ME2: variants seen among roughly 807,000 people sequenced by gnomAD.
ME2 encodes the protein NAD-dependent malic enzyme, mitochondrial.
In ME2, 60 loss-of-function variants were observed where a neutral mutation model predicts 73.7. The observed-to-expected ratio is 0.81, with a 90% CI of 0.66 to 1.01. The LOEUF (loss-of-function observed/expected upper bound fraction) is 1.01. Among genes scored for constraint, ME2 ranks in the 50% least tolerant of loss-of-function variants. The pLI is 0.00. For synonymous variants in ME2, 199 were observed against 236.9 expected (o/e 0.84, Z 1.47); for missense variants, 594 against 705.5 (o/e 0.84, Z 1.79).
intron 1 of ME2, among the ~76,000 whole-genome samples, chr18:50,892,070 C>T (rs1482981101): frequency 6.6e-6 from 1 of 152,032 alleles, no homozygotes; most frequent in Non-Finnish European, 1.5e-5. Context: ...ATCTGCCTGC[C>T]TCGGCCTCCC....
At chr18:50,926,764 A>G (rs1917562926) in intron 12 of ME2, among the ~76,000 whole-genome samples, 2 of 152,150 alleles carry the variant, frequency 1.3e-5, no homozygotes, top group Admixed American at 1.3e-4. Flanking sequence ...TTCTCTGTTC[A>G]GCTGTGCTCA....
chr18:50,939,874 A>G (rs1002170386), intron 14 of ME2: 25 of 478,982 alleles, frequency 5.2e-5, no homozygotes, highest in Non-Finnish European at 8.6e-5. Context: ...TATACTTGCA[A>G]TTTGTATATC....
intron 7 of ME2, among the ~76,000 whole-genome samples, chr18:50,920,218 A>G (rs1336697730): frequency 6.6e-6 from 1 of 152,200 alleles, no homozygotes; most frequent in African/African-American, 2.4e-5. Flanking sequence ...GTTTACATAG[A>G]TTGATAGCCC....
intron 5 of ME2, 89 bp downstream of exon 5, chr18:50,916,332 C>A: frequency 9.5e-7 from 1 of 1,050,214 alleles, no homozygotes. Flanking sequence ...TTCATTGTTG[C>A]TCTCATTTAT....
chr18:50,941,872 T>A (rs992322214), intron 15 of ME2, among the ~76,000 whole-genome samples: 3 of 151,904 alleles, frequency 2.0e-5, no homozygotes, highest in African/African-American at 7.2e-5. Context: ...ATCTTGCATA[T>A]TTAATAGGTA....
rs1599101121 is a variant in ME2, at chr18:50,908,567, T to C, written c.242+371T>C. ...AAGTGGGTAATAGATAGGATGACCA[T>C]ATATTATATCACCTAATCTAGGATA... On this transcript the variant is annotated intron_variant, in intron 3 of 15. Transcript: ENST00000321341. 3.3e-5 allele frequency among the ~76,000 whole-genome samples: 5 copies of C among 152,318 alleles called. No individual in the cohort carries two copies. The South Asian group carries it at 8.3e-4, about 25-fold the overall frequency.
At chr18:50,894,057 C>T (rs186188396) in intron 1 of ME2, among the ~76,000 whole-genome samples, 29 of 152,258 alleles carry the variant, frequency 1.9e-4, no homozygotes, top group African/African-American at 5.8e-4. Context: ...ACCCTGACTG[C>T]GTCATATTTA....
chr18:50,946,898 T>C, intron 15 of ME2, 119 bp from the exon 16 acceptor site: 1 of 753,854 alleles, frequency 1.3e-6, no homozygotes, highest in South Asian at 1.8e-5. Context: ...TGTTATTTTT[T>C]ACTGTGAAAA....
At chr18:50,907,003 T>G (rs1917034216) in intron 2 of ME2, among the ~76,000 whole-genome samples, 1 of 152,208 alleles carries the variant, frequency 6.6e-6, no homozygotes, top group Non-Finnish European at 1.5e-5. Context: ...GTGAGCTTTT[T>G]GTTACCCTGT....
At chr18:50,907,748 A>G (rs1187554721) in intron 2 of ME2, among the ~76,000 whole-genome samples, 1 of 152,200 alleles carries the variant, frequency 6.6e-6, no homozygotes, top group Non-Finnish European at 1.5e-5. Context: ...GTGTGCCATT[A>G]AGAATGTTTC....
At chr18:50,927,749 T>TATATATATATAC (rs1555678364) in intron 12 of ME2, among the ~76,000 whole-genome samples, 1 of 137,820 alleles carries the variant, frequency 7.3e-6, no homozygotes, top group East Asian at 2.1e-4. Context: ...TATATATATA[T>TATATATATATAC]ATACACACCA....
intron 12 of ME2, among the ~76,000 whole-genome samples, chr18:50,927,179 C>T (rs1319009459): frequency 1.3e-5 from 2 of 152,132 alleles, no homozygotes; most frequent in African/African-American, 4.8e-5. Context: ...TTGTAATCTC[C>T]ACAATTACTT....
rs1918243032 is a variant in ME2 at position 50,952,315 on chromosome 18, G to A, written c.*5131G>A. ...TTCAAATTTCAGTAAGTTCAGGTGG[G>A]CCTAATTAAGACATGACTATTATTA... On this transcript the variant is annotated 3_prime_UTR_variant, in exon 16 of 16. Transcript: ENST00000321341. The A allele has an allele frequency of 6.6e-6, 1 of 152,190 alleles. No individual in the cohort carries two copies. The highest frequency in any genetic ancestry group is 1.5e-5 in the Non-Finnish European group (1 of 68,006). 9.4% of individuals were successfully genotyped at this position (152,190 alleles called of 1,614,324 possible). A position where few individuals can be genotyped will look rare whatever the true frequency, so the allele number is the denominator to read the frequency against.
intron 7 of ME2, among the ~76,000 whole-genome samples, chr18:50,919,445 A>T (rs114619120): frequency 6.6e-6 from 1 of 152,128 alleles, no homozygotes; most frequent in Non-Finnish European, 1.5e-5. Context: ...AGAAATTGCC[A>T]TCTCTCCTTC....
intron 1 of ME2, among the ~76,000 whole-genome samples, chr18:50,894,567 CA>C (rs34435967): frequency 0.68 from 97,141 of 142,590 alleles, 33,207 homozygotes; most frequent in African/African-American, 0.78. Flanking sequence ...GACTCCATCT[CA>C]AAAAAAAAAA....
rs1240408622 is a variant in ME2 at position 50,920,567 on chromosome 18, T to G, written c.844+2T>G. ...GTACTTTCAATGATGATATTCAAGG[T>G]AAAGCAAAAAAACTTCAGGGTTTTG... On this transcript the variant is annotated splice_donor_variant, in intron 8 of 15. Coordinates refer to ENST00000321341, the MANE Select transcript of ME2 (RefSeq NM_002396.5). LOFTEE classifies it high-confidence loss of function. 6.3e-7 allele frequency: 1 copy of G among 1,579,304 alleles called. No homozygotes were observed. The highest frequency in any genetic ancestry group is 2.2e-5 in the East Asian group (1 of 44,532).
chr18:50,951,119 A>G lies in ME2; in HGVS notation c.*3935A>G, dbSNP rs1228863419. The G allele has an allele frequency of 6.6e-6, 1 of 152,236 alleles. No homozygotes were observed. Among genetic ancestry groups the G allele is most frequent in the Non-Finnish European group, 1.5e-5 (1 of 68,050 alleles). 9.4% of individuals were successfully genotyped at this position (152,236 alleles called of 1,614,324 possible). A position where few individuals can be genotyped will look rare whatever the true frequency, so the allele number is the denominator to read the frequency against. On this transcript the variant is annotated 3_prime_UTR_variant, in exon 16 of 16. Transcript: ENST00000321341. ...AGCATACTTAGTAAACTTAGTAACC[A>G]ATTTTCATTTGTAAAAGATTAGCTA...
chr18:50,947,341 G>A lies in ME2; in HGVS notation c.*157G>A. On this transcript the variant is annotated 3_prime_UTR_variant, in exon 16 of 16. Coordinates refer to ENST00000321341, the MANE Select transcript of ME2 (RefSeq NM_002396.5). The stretch of plus-strand genomic sequence containing the variant: ...TCCATGCGTCTCCACATCTGTTGGG[G>A]TAGACGTGTTGATTGATTGCATTGC... The A allele has an allele frequency of 3.0e-6, 2 of 664,550 alleles. No homozygotes were observed. The highest frequency in any genetic ancestry group is 2.0e-5 in the South Asian group (1 of 49,392). 41.2% of individuals were successfully genotyped at this position (664,550 alleles called of 1,614,324 possible).
At chr18:50,917,558 T>C (rs1335156604) in intron 6 of ME2, 50 bp downstream of exon 6, 2 of 1,333,714 alleles carry the variant, frequency 1.5e-6, no homozygotes, top group East Asian at 4.8e-5. Flanking sequence ...TTTTTTAAAA[T>C]GTGTACAATA....
Sources: gnomAD v4.1 joint callset for allele counts (sites outside exome capture counted in the v4.1 genomes callset) on GRCh38, gnomAD v4.1.1 for gene constraint, MANE v1.5 for transcripts, NCBI Gene and HGNC (gene_info 2026-07-23, HGNC 2026-07-21) for gene names.